The following IMMP2L variants were observed in gnomAD, a reference collection of about 807,000 sequenced individuals.
IMMP2L encodes the protein inner mitochondrial membrane peptidase subunit 2.
Under a neutral mutation model 19.3 loss-of-function variants are expected in IMMP2L, and 18 were observed. The ratio of observed to expected loss-of-function variants is 0.93; its 90% CI spans 0.64 to 1.38. The LOEUF (loss-of-function observed/expected upper bound fraction) is 1.38. IMMP2L is among the 40% of genes most tolerant of loss of function. The pLI, the probability that IMMP2L is intolerant of heterozygous loss-of-function variation, is 0.00. For synonymous variants in IMMP2L, 76 were observed against 73.0 expected, an observed-to-expected ratio of 1.04 and a Z score of -0.21; for missense variants, 233 against 218.2, an observed-to-expected ratio of 1.07 and a Z score of -0.43.
At chr7:111,380,401 TAAC>T (rs1419549544) in intron 3 of IMMP2L, among the ~76,000 whole-genome samples, 15 of 152,054 alleles carry the variant, frequency 9.9e-5, no homozygotes, top group African/African-American at 3.4e-4. Flanking sequence ...CACAGACTGA[TAAC>T]AACACTCAGA....
intron 3 of IMMP2L, among the ~76,000 whole-genome samples, chr7:111,361,309 C>G (rs1414746477): frequency 6.6e-6 from 1 of 152,058 alleles, no homozygotes; most frequent in Non-Finnish European, 1.5e-5. Context: ...ACAACAAACT[C>G]AACGTTATGC....
chr7:111,350,040 T>C (rs1827990515), intron 3 of IMMP2L, among the ~76,000 whole-genome samples: 1 of 151,632 alleles, frequency 6.6e-6, no homozygotes, highest in Non-Finnish European at 1.5e-5. Context: ...CGATCTCAGC[T>C]CACTGCAACC....
intron 3 of IMMP2L, among the ~76,000 whole-genome samples, chr7:111,275,954 G>A (rs1416785758): frequency 6.6e-6 from 1 of 151,982 alleles, no homozygotes; most frequent in Non-Finnish European, 1.5e-5. Flanking sequence ...AGTCTGCCGG[G>A]TTTTCTAGGT....
At chr7:111,306,021 G>A (rs1822827156) in intron 3 of IMMP2L, among the ~76,000 whole-genome samples, 1 of 152,020 alleles carries the variant, frequency 6.6e-6, no homozygotes, top group Non-Finnish European at 1.5e-5. Flanking sequence ...TAAAAAAGAT[G>A]GCCCAAATTT....
intron 3 of IMMP2L, among the ~76,000 whole-genome samples, chr7:111,146,087 TTGTAA>T (rs756822311): frequency 1.9e-4 from 29 of 152,058 alleles, no homozygotes; most frequent in Non-Finnish European, 4.1e-4. Context: ...TGAAGAGAAG[TTGTAA>T]TGTAATATAC....
chr7:111,178,766 G>T (rs1450716498), intron 3 of IMMP2L, among the ~76,000 whole-genome samples: 1 of 152,050 alleles, frequency 6.6e-6, no homozygotes, highest in Non-Finnish European at 1.5e-5. Context: ...CCATCTTCAA[G>T]TTTCACTTCT....
chr7:111,545,967 C>G (rs1848895077), intron 1 of IMMP2L, among the ~76,000 whole-genome samples: 1 of 152,078 alleles, frequency 6.6e-6, no homozygotes, highest in Non-Finnish European at 1.5e-5. Flanking sequence ...TTTCTTAAGT[C>G]TCCTCCAAAA....
intron 3 of IMMP2L, among the ~76,000 whole-genome samples, chr7:111,321,420 A>G (rs1195172259): frequency 1.3e-5 from 2 of 152,054 alleles, no homozygotes; most frequent in Non-Finnish European, 2.9e-5. Flanking sequence ...GCTCCTGAGA[A>G]GCTAGAGACT....
intron 3 of IMMP2L, among the ~76,000 whole-genome samples, chr7:111,355,527 T>C (rs1828610562): frequency 6.6e-6 from 1 of 151,726 alleles, no homozygotes; most frequent in Non-Finnish European, 1.5e-5. Flanking sequence ...ATTTCTCTTC[T>C]TCAGTTATTC....
chr7:111,390,916 A>G (rs539685499), intron 3 of IMMP2L, among the ~76,000 whole-genome samples: 3 of 152,272 alleles, frequency 2.0e-5, no homozygotes, highest in East Asian at 3.9e-4. Flanking sequence ...AATTCTAATT[A>G]TAGGATAAAT....
intron 3 of IMMP2L, among the ~76,000 whole-genome samples, chr7:111,312,917 T>A (rs1442573054): frequency 1.3e-5 from 2 of 152,114 alleles, no homozygotes; most frequent in Non-Finnish European, 2.9e-5. Context: ...AAACTGATTA[T>A]ACAGTTGTTG....
intron 2 of IMMP2L, among the ~76,000 whole-genome samples, chr7:111,505,699 T>C (rs964092092): frequency 1.3e-5 from 2 of 152,048 alleles, no homozygotes; most frequent in Non-Finnish European, 2.9e-5. Context: ...AAACCATCAT[T>C]CTCAGCAAAC....
At chr7:110,985,648 T>C (rs985694218) in intron 3 of IMMP2L, among the ~76,000 whole-genome samples, 1 of 152,284 alleles carries the variant, frequency 6.6e-6, no homozygotes, top group African/African-American at 2.4e-5. Context: ...ATAAACTCCA[T>C]ATTTGTTAAG....
At chr7:110,675,417 C>T (rs1249387830) in intron 5 of IMMP2L, among the ~76,000 whole-genome samples, 3 of 152,118 alleles carry the variant, frequency 2.0e-5, no homozygotes, top group African/African-American at 4.8e-5. Context: ...CAAATGCAAC[C>T]GTATTTCATC....
intron 3 of IMMP2L, among the ~76,000 whole-genome samples, chr7:111,309,884 G>A (rs1823317204): frequency 6.6e-6 from 1 of 151,922 alleles, no homozygotes; most frequent in South Asian, 2.1e-4. Flanking sequence ...ATATTTTGAT[G>A]GCACTATTTC....
chr7:110,936,795 A>G (rs1816161200), intron 4 of IMMP2L, among the ~76,000 whole-genome samples: 2 of 152,204 alleles, frequency 1.3e-5, no homozygotes, highest in Admixed American at 1.3e-4. Flanking sequence ...GCTTGGAACC[A>G]ACCCAAATTC....
rs576468857 is a variant in IMMP2L at position 111,101,335 on chromosome 7, A to G, written c.240-137770T>C. Reference sequence around the variant, plus strand: ...GGCATACTGATAAGCGATAATGTCTATAAGATACAACAAGCAGAATCATAT... The same window carrying G: ...GGCATACTGATAAGCGATAATGTCTGTAAGATACAACAAGCAGAATCATAT... On this transcript the variant is annotated intron_variant, in intron 3 of 5. Coordinates refer to ENST00000405709, the MANE Select transcript of IMMP2L (RefSeq NM_032549.4). Among the ~76,000 whole-genome samples, 37 of 151,618 alleles carry G rather than the reference A, an allele frequency of 2.4e-4. No individual in the cohort carries two copies. In the South Asian group the frequency reaches 7.5e-3, roughly 31 times the overall value.
In IMMP2L at chr7:111,087,681, G is replaced by C. The variant is rs543873791; in HGVS notation, c.240-124116C>G. Among the ~76,000 whole-genome samples the C allele has an allele frequency of 3.9e-5, 6 of 152,106 alleles. No homozygotes were observed. The South Asian group carries it at 1.2e-3, about 32-fold the overall frequency. ...TACTCCCTCTAGGAGAATCTTATAT[G>C]CTAAAAGGGGAAACAGGTAAAATTA... On this transcript the variant is annotated intron_variant, in intron 3 of 5. Transcript: ENST00000405709.
chr7:111,184,909 T>A (rs1449089097), intron 3 of IMMP2L, among the ~76,000 whole-genome samples: 1 of 152,082 alleles, frequency 6.6e-6, no homozygotes, highest in Non-Finnish European at 1.5e-5. Context: ...ATGTAATAAG[T>A]TAGTAAGTAT....
Sources: allele counts gnomAD v4.1 joint callset (sites outside exome capture counted in the v4.1 genomes callset), GRCh38; gene constraint gnomAD v4.1.1; transcripts MANE v1.5; gene names NCBI Gene and HGNC (gene_info 2026-07-23, HGNC 2026-07-21).